Variants in ZMYND8 observed in about 807,000 individuals in gnomAD.
ZMYND8 encodes the protein zinc finger MYND-type containing 8.
A neutral mutation model predicts 140.8 loss-of-function variants in ZMYND8; 37 were observed. The observed-to-expected ratio is 0.26, with a 90% CI of 0.20 to 0.35. The LOEUF is 0.35. ZMYND8 is among the 10% of genes least tolerant of loss of function. The pLI, the probability that ZMYND8 is intolerant of heterozygous loss-of-function variation, is 1.00. For synonymous variants in ZMYND8, 592 were observed against 597.1 expected (o/e 0.99, Z 0.12); for missense variants, 1,068 against 1,570.0 (o/e 0.68, Z 5.40).
At chr20:47,353,804 G>A (rs1009663916) in intron 1 of ZMYND8, 14 of 152,292 alleles carry the variant, frequency 9.2e-5, no homozygotes, top group African/African-American at 2.4e-4. Flanking sequence ...AAAAAGAAGG[G>A]GGGTTGGGGG....
intron 15 of ZMYND8, 124 bp from the exon 16 acceptor site, chr20:47,236,640 A>T: frequency 2.8e-6 from 3 of 1,058,420 alleles, no homozygotes; most frequent in Non-Finnish European, 3.9e-6. Context: ...AATGACAAAG[A>T]TGCTCCCCTT....
chr20:47,300,620 A>G (rs2077951669), intron 3 of ZMYND8, among the ~76,000 whole-genome samples: 1 of 152,178 alleles, frequency 6.6e-6, no homozygotes, highest in African/African-American at 2.4e-5. Context: ...ATACTTTAAC[A>G]CGACTTTTCT....
Position 47,210,734 on chromosome 20 carries a change from G to A in ZMYND8, c.*27C>T. 1 of 1,614,008 alleles carries A rather than the reference G, an allele frequency of 6.2e-7. No homozygotes were observed. Among genetic ancestry groups the A allele is most frequent in the African/African-American group, 1.3e-5 (1 of 74,984 alleles). ...GCGTCTGGGTTTTTCTCCCAATGGGGTGGGTGGTTTGTGTCCCGATTCACT... is the reference window on the plus strand; with the variant it reads ...GCGTCTGGGTTTTTCTCCCAATGGGATGGGTGGTTTGTGTCCCGATTCACT... On this transcript the variant is annotated 3_prime_UTR_variant, in exon 23 of 23. Transcript: ENST00000471951.
chr20:47,246,917 A>G (rs1369598370), intron 13 of ZMYND8, among the ~76,000 whole-genome samples: 1 of 152,136 alleles, frequency 6.6e-6, no homozygotes, highest in Non-Finnish European at 1.5e-5. Context: ...CAGGGATATC[A>G]CCTGCCCTAG....
rs546107951 is a variant in ZMYND8 at position 47,238,674 on chromosome 20, A to T, written c.2665+84T>A. The T allele has an allele frequency of 8.1e-5, 125 of 1,543,040 alleles. 1 individual carries two copies. Among genetic ancestry groups the T allele is most frequent in the South Asian group, 4.1e-4 (34 of 83,582 alleles). Reference sequence around the variant, plus strand: ...GGAAACAAACGAGAACTAAAAAAAAAAAATAAAAGAGCAATGACTTTCTCC... The same window carrying T: ...GGAAACAAACGAGAACTAAAAAAAATAAATAAAAGAGCAATGACTTTCTCC... On this transcript the variant is annotated intron_variant, in intron 15 of 22. Transcript: ENST00000471951.
intron 11 of ZMYND8, among the ~76,000 whole-genome samples, chr20:47,267,317 G>A (rs77777673): frequency 0.011 from 1,618 of 152,236 alleles, 20 homozygotes; most frequent in African/African-American, 0.037. Flanking sequence ...ATTTTGGAGC[G>A]ATGGAAATGT....
chr20:47,245,364 C>A (rs6018360), intron 14 of ZMYND8, among the ~76,000 whole-genome samples: 16 of 151,854 alleles, frequency 1.1e-4, no homozygotes, highest in African/African-American at 3.1e-4. Context: ...ATCCTGCCTC[C>A]GCCTCACGAG....
At chr20:47,310,786 GAAAAAAA>G (rs1169707543) in intron 2 of ZMYND8, among the ~76,000 whole-genome samples, 1 of 76,838 alleles carries the variant, frequency 1.3e-5, no homozygotes, top group Non-Finnish European at 2.6e-5. Context: ...CCTCCGACGT[GAAAAAAA>G]AAAAAAAAAA....
intron 3 of ZMYND8, among the ~76,000 whole-genome samples, chr20:47,300,892 GTGTGT>G (rs2077981069): frequency 1.4e-5 from 1 of 73,750 alleles, no homozygotes; most frequent in East Asian, 3.0e-4. Flanking sequence ...TTTTGTGTGT[GTGTGT>G]GTGTGTGTGT....
At chr20:47,299,383 A>C (rs2077847708) in intron 3 of ZMYND8, among the ~76,000 whole-genome samples, 1 of 152,172 alleles carries the variant, frequency 6.6e-6, no homozygotes, top group Non-Finnish European at 1.5e-5. Flanking sequence ...GGGGTGATAT[A>C]ATGTATGCCT....
Position 47,276,913 on chromosome 20 carries a change from A to T in ZMYND8, c.999-118T>A, listed in dbSNP as rs1395797815. The stretch of plus-strand genomic sequence containing the variant: ...TTTGCCAAGATTCTTATTCTATTAA[A>T]AAAAAAAAAAAAAAAACTTGGTTTG... On this transcript the variant is annotated intron_variant, in intron 10 of 22. Coordinates refer to ENST00000471951, the MANE Select transcript of ZMYND8 (RefSeq NM_001281775.3). 202 of 819,700 alleles carry T rather than the reference A, an allele frequency of 2.5e-4. No individual in the cohort carries two copies. In the African/African-American group the frequency reaches 2.6e-3, roughly 11 times the overall value. 50.8% of individuals were successfully genotyped at this position (819,700 alleles called of 1,614,324 possible).
At chr20:47,227,182 G>C (rs754129864) in intron 18 of ZMYND8, 21 bp downstream of exon 18, 5 of 1,613,894 alleles carry the variant, frequency 3.1e-6, no homozygotes, top group Non-Finnish European at 4.2e-6. Flanking sequence ...CCTCAGTCCA[G>C]ACCAGTGTGT....
In ZMYND8 at chr20:47,226,034, C is replaced by G. The variant is rs142993412; in HGVS notation, c.3016+1169G>C. ...GGCATGGTGGTGCATGCCTGTAATC[C>G]CAGCTACTCGGGAGGCTGAGGCATG... On this transcript the variant is annotated intron_variant, in intron 18 of 22. Coordinates refer to ENST00000471951, the MANE Select transcript of ZMYND8 (RefSeq NM_001281775.3). Among the ~76,000 whole-genome samples, 241 of 151,926 alleles carry G rather than the reference C, an allele frequency of 1.6e-3. 1 individual carries two copies. Among genetic ancestry groups the G allele is most frequent in the African/African-American group, 5.7e-3 (234 of 41,410 alleles).
chr20:47,342,858 A>G (rs918658810), intron 2 of ZMYND8, among the ~76,000 whole-genome samples: 56 of 151,930 alleles, frequency 3.7e-4, no homozygotes, highest in South Asian at 8.3e-4. Context: ...AAAAAAAAAA[A>G]AAAAGAAAAG....
chr20:47,214,042 A>G (rs1039080228), intron 21 of ZMYND8, among the ~76,000 whole-genome samples: 1 of 150,872 alleles, frequency 6.6e-6, no homozygotes, highest in Non-Finnish European at 1.5e-5. Context: ...ACCCCTAACT[A>G]AAATTCTCTC....
intron 12 of ZMYND8, among the ~76,000 whole-genome samples, chr20:47,251,500 C>T (rs1256549392): frequency 6.6e-6 from 1 of 151,522 alleles, no homozygotes; most frequent in African/African-American, 2.4e-5. Flanking sequence ...AGTAGGAGGA[C>T]TGCTTGAGCC....
At chr20:47,249,543 G>A in intron 12 of ZMYND8, 104 bp from the exon 13 acceptor site, 1 of 1,460,586 alleles carries the variant, frequency 6.8e-7, no homozygotes, top group Non-Finnish European at 9.2e-7. Flanking sequence ...TAGAACATGG[G>A]GGAGGGGGAG....
chr20:47,334,882 T>C (rs1036681682), intron 2 of ZMYND8, among the ~76,000 whole-genome samples: 5 of 150,718 alleles, frequency 3.3e-5, no homozygotes, highest in African/African-American at 1.2e-4. Flanking sequence ...AGTGCTGGGA[T>C]TACAGGCGTC....
At chr20:47,283,744 T>A in intron 8 of ZMYND8, 96 bp from the exon 9 acceptor site, 3 of 1,241,968 alleles carry the variant, frequency 2.4e-6, no homozygotes, top group Non-Finnish European at 3.4e-6. Context: ...TAAGATGTTT[T>A]AAAGTCCCAT....
Sources: allele counts gnomAD v4.1 joint callset (sites outside exome capture counted in the v4.1 genomes callset), GRCh38; gene constraint gnomAD v4.1.1; transcripts MANE v1.5; gene names NCBI Gene and HGNC (gene_info 2026-07-23, HGNC 2026-07-21).